BAZ2B: variants seen among roughly 807,000 people sequenced by gnomAD.
BAZ2B encodes bromodomain adjacent to zinc finger domain 2B.
Under a neutral mutation model 246.0 loss-of-function variants are expected in BAZ2B, and 91 were observed. The ratio of observed to expected loss-of-function variants is 0.37; its 90% CI spans 0.31 to 0.44. BAZ2B has a LOEUF of 0.44. Ranked by LOEUF, BAZ2B falls within the 20% of genes least tolerant of loss-of-function variation. BAZ2B has a pLI of 1.00. For missense variants in BAZ2B, 2,332 were observed against 2,533.7 expected (o/e 0.92, Z 1.71); for synonymous variants, 855 against 860.0 (o/e 0.99, Z 0.10).
the BAZ2B span, among the ~76,000 whole-genome samples, chr2:159,623,063 A>C: frequency 7.0e-6 from 1 of 142,866 alleles, no homozygotes; most frequent in Non-Finnish European, 1.5e-5. Flanking sequence ...GGAAGAGGGA[A>C]GGGAAGAGAA....
At chr2:159,580,860 C>A (rs1349045943) in intron 1 of BAZ2B, among the ~76,000 whole-genome samples, 1 of 152,062 alleles carries the variant, frequency 6.6e-6, no homozygotes, top group Non-Finnish European at 1.5e-5. Flanking sequence ...AACTGGCTAG[C>A]CATATGTAGA....
At chr2:159,679,955 A>G in the BAZ2B span, among the ~76,000 whole-genome samples, 1 of 152,242 alleles carries the variant, frequency 6.6e-6, no homozygotes, top group Non-Finnish European at 1.5e-5. Flanking sequence ...TGGGGCTCCC[A>G]TTGCGATGAA....
upstream of BAZ2B, among the ~76,000 whole-genome samples, chr2:159,618,432 C>G (rs1696293352): frequency 1.3e-5 from 2 of 152,066 alleles, no homozygotes; most frequent in South Asian, 4.1e-4. Flanking sequence ...AGGCCAAGCT[C>G]TGTACATGTA....
At chr2:159,341,940 T>C (rs1175654359) in intron 31 of BAZ2B, among the ~76,000 whole-genome samples, 1 of 152,032 alleles carries the variant, frequency 6.6e-6, no homozygotes, top group Non-Finnish European at 1.5e-5. Context: ...GTAAACAATC[T>C]AGCAATGCCC....
chr2:159,575,505 A>G (rs1685088366), intron 1 of BAZ2B, among the ~76,000 whole-genome samples: 1 of 152,204 alleles, frequency 6.6e-6, no homozygotes, highest in African/African-American at 2.4e-5. Flanking sequence ...AGGCTTAACA[A>G]ACCTTTGCCT....
chr2:159,438,824 C>G, intron 7 of BAZ2B, 129 bp from the exon 8 acceptor site: 1 of 1,301,682 alleles, frequency 7.7e-7, no homozygotes, highest in South Asian at 1.5e-5. Context: ...ATCTAAAAAT[C>G]TAAAAATTCG....
intron 1 of BAZ2B, among the ~76,000 whole-genome samples, chr2:159,568,628 G>A (rs556971913): frequency 6.6e-6 from 1 of 152,184 alleles, no homozygotes; most frequent in East Asian, 1.9e-4. Context: ...AACAGTGTTA[G>A]CTAAGATGGT....
chr2:159,510,462 T>C (rs751106912), intron 2 of BAZ2B, among the ~76,000 whole-genome samples: 1 of 152,192 alleles, frequency 6.6e-6, no homozygotes, highest in Non-Finnish European at 1.5e-5. Context: ...AGCCACTGCA[T>C]CTGACCAGGA....
At chr2:159,662,205 G>T in the BAZ2B span, among the ~76,000 whole-genome samples, 5 of 152,108 alleles carry the variant, frequency 3.3e-5, no homozygotes, top group Non-Finnish European at 5.9e-5. Flanking sequence ...ATATTCCATT[G>T]GATAGATTAT....
rs143966878 is a variant in BAZ2B, at chr2:159,350,063, C to T, written c.4508G>A (p.Ser1503Asn). 6,978 of 1,614,166 alleles carry T rather than the reference C, an allele frequency of 4.3e-3. 172 individuals are homozygous for T. The South Asian group carries it at 0.046, about 11-fold the overall frequency. ...AACGCTGCCCAGTGAATGTTTTCCA[C>T]TGTTCTGATAAGACAACGTGCACCC... ...ANGCTLSYQNSGKHSLGSVQS... is the reference protein window; with the variant it reads ...ANGCTLSYQNNGKHSLGSVQS... Residue 1503 changes from serine (S) to asparagine (N), a missense_variant, in exon 28 of 37, where the codon AGT becomes AAT. Ser to Asn is a conservative substitution (Grantham distance 46). Coordinates refer to ENST00000392783, the MANE Select transcript of BAZ2B (RefSeq NM_013450.4).
At chr2:159,490,344 C>G (rs1577695964) in intron 2 of BAZ2B, among the ~76,000 whole-genome samples, 1 of 151,986 alleles carries the variant, frequency 6.6e-6, no homozygotes, top group African/African-American at 2.4e-5. Context: ...TGCAGAAGTC[C>G]AAAATAGCAA....
chr2:159,480,869 T>G (rs966380379), intron 2 of BAZ2B, among the ~76,000 whole-genome samples: 1 of 152,056 alleles, frequency 6.6e-6, no homozygotes, highest in Non-Finnish European at 1.5e-5. Context: ...ATTATTCATG[T>G]ATTATTTTAT....
At chr2:159,563,350 A>T (rs1559783241) in intron 1 of BAZ2B, among the ~76,000 whole-genome samples, 1 of 152,138 alleles carries the variant, frequency 6.6e-6, no homozygotes, top group Non-Finnish European at 1.5e-5. Flanking sequence ...GTATTTCTTC[A>T]GTTTGCAATA....
the BAZ2B span, among the ~76,000 whole-genome samples, chr2:159,698,336 A>G: frequency 2.6e-5 from 4 of 151,932 alleles, no homozygotes; most frequent in South Asian, 8.3e-4. Context: ...CAGCGGGGCA[A>G]TATAGCAATA....
the BAZ2B span, among the ~76,000 whole-genome samples, chr2:159,691,881 C>G: frequency 6.6e-6 from 1 of 152,174 alleles, no homozygotes; most frequent in Admixed American, 6.5e-5. Context: ...CACTTGAGCT[C>G]ACCACAATAG....
chr2:159,704,259 T>C, the BAZ2B span, among the ~76,000 whole-genome samples: 1 of 152,200 alleles, frequency 6.6e-6, no homozygotes, highest in Non-Finnish European at 1.5e-5. Context: ...TGAGGTGTTT[T>C]TAAATAACTG....
In BAZ2B at chr2:159,546,309, C is replaced by T. The variant is rs4665078; in HGVS notation, c.-3+9514G>A. 4.7e-3 allele frequency among the ~76,000 whole-genome samples: 719 copies of T among 151,386 alleles called. 6 individuals are homozygous for T. The highest frequency in any genetic ancestry group is 0.016 in the African/African-American group (670 of 41,282). The stretch of plus-strand genomic sequence containing the variant: ...TTATGATATCTGATGGTTTTAAAAA[C>T]GGGAGTTTCCTTGCACAAGCTTTCT... On this transcript the variant is annotated intron_variant, in intron 2 of 36. Transcript: ENST00000392783.
At chr2:159,530,595 C>A (rs918674289) in intron 2 of BAZ2B, among the ~76,000 whole-genome samples, 1 of 152,098 alleles carries the variant, frequency 6.6e-6, no homozygotes, top group African/African-American at 2.4e-5. Flanking sequence ...TGAGGAATAA[C>A]AACAGAGTTA....
chr2:159,382,574 A>G lies in BAZ2B; in HGVS notation c.3990T>C (p.Asp1330=). The change falls in exon 25 of 37, where the codon GAT becomes GAC. Residue 1330 remains aspartate, a synonymous_variant. Transcript: ENST00000392783. ...ATTTCATTACCTCATCTTCACAGAT[A>G]TCAGTCTTTTTTCCTTTTTTGTCTT... The part of the protein sequence containing the change: ...DKEDKKGKKT[D]ICEDEDEGDQ... 1 of 1,550,828 alleles carries G rather than the reference A, an allele frequency of 6.4e-7. No individual in the cohort carries two copies. The highest frequency in any genetic ancestry group is 1.2e-5 in the South Asian group (1 of 84,170).
Sources: gnomAD v4.1 joint callset for allele counts (sites outside exome capture counted in the v4.1 genomes callset) on GRCh38, gnomAD v4.1.1 for gene constraint, MANE v1.5 for transcripts, NCBI Gene and HGNC (gene_info 2026-07-23, HGNC 2026-07-21) for gene names.